Variants in KCNIP1 observed in about 807,000 individuals in gnomAD.
KCNIP1 encodes A-type potassium channel modulatory protein KCNIP1.
Under a neutral mutation model 33.0 loss-of-function variants are expected in KCNIP1, and 18 were observed. That is an observed-to-expected ratio of 0.55 (90% CI 0.38 to 0.81). The LOEUF is 0.81. Ranked by LOEUF, KCNIP1 falls within the 30% of genes least tolerant of loss-of-function variation. The pLI is 0.00. For missense variants in KCNIP1, 238 were observed against 271.6 expected (o/e 0.88, Z 0.87); for synonymous variants, 93 against 98.3 (o/e 0.95, Z 0.32).
intron 1 of KCNIP1, among the ~76,000 whole-genome samples, chr5:170,545,267 T>A (rs1016563254): frequency 6.6e-6 from 1 of 152,230 alleles, no homozygotes; most frequent in Non-Finnish European, 1.5e-5. Context: ...TTGAAGGTAA[T>A]GTCTTTTTTC....
chr5:170,616,906 T>A (rs920789286), intron 1 of KCNIP1, among the ~76,000 whole-genome samples: 1 of 151,972 alleles, frequency 6.6e-6, no homozygotes, highest in African/African-American at 2.4e-5. Flanking sequence ...TTCCTGGATG[T>A]CCCTGAGCTG....
chr5:170,412,287 TA>T (rs1755214413), intron 1 of KCNIP1, among the ~76,000 whole-genome samples: 1 of 152,014 alleles, frequency 6.6e-6, no homozygotes, highest in South Asian at 2.1e-4. Context: ...GTAGACTCTA[TA>T]GGGGAAAAGC....
intron 1 of KCNIP1, among the ~76,000 whole-genome samples, chr5:170,381,603 AGC>A (rs1554087932): frequency 2.4e-4 from 37 of 152,208 alleles, no homozygotes; most frequent in Non-Finnish European, 4.6e-4. Flanking sequence ...CAGCTCCTGC[AGC>A]CTGCTATCAG....
At chr5:170,671,465 C>T (rs1458568490) in intron 1 of KCNIP1, among the ~76,000 whole-genome samples, 1 of 152,184 alleles carries the variant, frequency 6.6e-6, no homozygotes, top group African/African-American at 2.4e-5. Context: ...TGAAGCATCA[C>T]TTCCTCAAGG....
chr5:170,598,509 A>G (rs900789038), intron 1 of KCNIP1, among the ~76,000 whole-genome samples: 1 of 152,114 alleles, frequency 6.6e-6, no homozygotes, highest in Non-Finnish European at 1.5e-5. Context: ...CGGACAAGGT[A>G]CCTACCCTGT....
At chr5:170,451,890 C>T (rs967448538) in intron 1 of KCNIP1, among the ~76,000 whole-genome samples, 1 of 152,140 alleles carries the variant, frequency 6.6e-6, no homozygotes, top group African/African-American at 2.4e-5. Context: ...ATGATTACAT[C>T]TGCTTCCAGA....
intron 1 of KCNIP1, among the ~76,000 whole-genome samples, chr5:170,365,185 A>T (rs1400490635): frequency 6.6e-6 from 1 of 152,166 alleles, no homozygotes; most frequent in Non-Finnish European, 1.5e-5. Context: ...TTGAGCTGGC[A>T]GATGAGGAAC....
At chr5:170,721,173 C>T (rs1212067019) in intron 3 of KCNIP1, among the ~76,000 whole-genome samples, 3 of 152,164 alleles carry the variant, frequency 2.0e-5, no homozygotes, top group Non-Finnish European at 2.9e-5. Flanking sequence ...TTCTCATGGG[C>T]CTTTTTGGCA....
At chr5:170,398,521 C>T (rs553147144) in intron 1 of KCNIP1, among the ~76,000 whole-genome samples, 2 of 152,336 alleles carry the variant, frequency 1.3e-5, no homozygotes, top group South Asian at 2.1e-4. Flanking sequence ...AAAACTCTTT[C>T]ATCTGTTTTT....
intron 1 of KCNIP1, among the ~76,000 whole-genome samples, chr5:170,688,458 A>G (rs543232223): frequency 6.6e-6 from 1 of 152,314 alleles, no homozygotes; most frequent in South Asian, 2.1e-4. Flanking sequence ...AAGTTTTCCA[A>G]ATGCTTTATG....
intron 1 of KCNIP1, among the ~76,000 whole-genome samples, chr5:170,364,233 T>C (rs1467549531): frequency 6.6e-6 from 1 of 152,158 alleles, no homozygotes; most frequent in East Asian, 1.9e-4. Flanking sequence ...CTCAAACTCC[T>C]AGGCTCAAGT....
intron 1 of KCNIP1, among the ~76,000 whole-genome samples, chr5:170,539,592 A>G (rs546562632): frequency 6.6e-6 from 1 of 151,972 alleles, no homozygotes; most frequent in South Asian, 2.1e-4. Context: ...ACCCTGTTTT[A>G]TTTTCCCCAT....
At chr5:170,602,992 G>A (rs1758756881) in intron 1 of KCNIP1, among the ~76,000 whole-genome samples, 1 of 152,236 alleles carries the variant, frequency 6.6e-6, no homozygotes, top group African/African-American at 2.4e-5. Context: ...AGAAAGAGAA[G>A]TCCCGGGTGC....
chr5:170,382,560 C>G (rs747935841), intron 1 of KCNIP1: 1 of 152,258 alleles, frequency 6.6e-6, no homozygotes, highest in Admixed American at 6.5e-5. Context: ...CGCCATGCCT[C>G]GTCCTATAGG....
At chr5:170,363,245 A>C (rs891562794) in intron 1 of KCNIP1, among the ~76,000 whole-genome samples, 3 of 152,258 alleles carry the variant, frequency 2.0e-5, no homozygotes, top group Non-Finnish European at 4.4e-5. Flanking sequence ...TCCTTTGAAC[A>C]CGCCTGGTCA....
chr5:170,610,800 T>C lies in KCNIP1; in HGVS notation c.61+106167T>C, dbSNP rs577759136. Among the ~76,000 whole-genome samples, 3 of 152,350 alleles carry C rather than the reference T, an allele frequency of 2.0e-5. No homozygotes were observed. In the East Asian group the frequency reaches 5.8e-4, roughly 29 times the overall value. On this transcript the variant is annotated intron_variant, in intron 1 of 7. Coordinates refer to ENST00000328939, the MANE Select transcript of KCNIP1 (RefSeq NM_014592.4). The stretch of plus-strand genomic sequence containing the variant: ...CACGATTATGAACTGCTAGAGTGTG[T>C]TTCCTGTAGGTAAACCTCCAAGCCA...
At chr5:170,492,802 G>C (rs766630315) in intron 1 of KCNIP1, among the ~76,000 whole-genome samples, 5 of 152,134 alleles carry the variant, frequency 3.3e-5, no homozygotes, top group Non-Finnish European at 7.3e-5. Context: ...GTCTCACTCT[G>C]TCACCCAGGC....
intron 1 of KCNIP1, among the ~76,000 whole-genome samples, chr5:170,663,904 A>C (rs1761595415): frequency 7.9e-6 from 1 of 127,262 alleles, no homozygotes; most frequent in Non-Finnish European, 1.6e-5. Context: ...ACTCCCTTCC[A>C]CCATCCTTTC....
intron 1 of KCNIP1, among the ~76,000 whole-genome samples, chr5:170,622,425 C>T (rs1759639138): frequency 6.6e-6 from 1 of 151,920 alleles, no homozygotes; most frequent in South Asian, 2.1e-4. Context: ...AGTTCAAGAC[C>T]AGCCTGGCCA....
Sources: gnomAD v4.1 joint callset for allele counts (sites outside exome capture counted in the v4.1 genomes callset) on GRCh38, gnomAD v4.1.1 for gene constraint, MANE v1.5 for transcripts, NCBI Gene and HGNC (gene_info 2026-07-23, HGNC 2026-07-21) for gene names.